Variants in ZNF148 observed in about 807,000 individuals in gnomAD.
ZNF148 encodes Beta-Enolase Repressor Factor-1.
Under a neutral mutation model 67.7 loss-of-function variants are expected in ZNF148, and 7 were observed. The ratio of observed to expected loss-of-function variants is 0.10; its 90% CI spans 0.06 to 0.19. ZNF148 has a LOEUF of 0.19. Ranked by LOEUF, ZNF148 falls within the 10% of genes least tolerant of loss-of-function variation. The pLI is 1.00. For synonymous variants in ZNF148, 333 were observed against 330.7 expected (o/e 1.01, Z -0.08); for missense variants, 583 against 947.1 (o/e 0.62, Z 5.05).
chr3:125,232,923 C>A lies in ZNF148; in HGVS notation c.1803G>T (p.Met601Ile), dbSNP rs749956392. The change falls in exon 9 of 9, where the codon ATG becomes ATT. Residue 601 changes from methionine (M) to isoleucine (I), a missense_variant. By Grantham distance (10) the Met-to-Ile change is conservative (BLOSUM62 1). Transcript: ENST00000360647. The surrounding 1 kb of genome is among the most constrained non-coding windows in gnomAD (Gnocchi z 4.2). ...GCAGAAACTTGGAGTATTCCTGCAA[C>A]ATGTTGGCTTTATCTGATGAGGATG... The part of the protein sequence containing the change: ...SQASSSDKAN[M>I]LQEYSKFLQQ... 1 of 1,613,846 alleles carries A rather than the reference C, an allele frequency of 6.2e-7. No individual in the cohort carries two copies. Among genetic ancestry groups the A allele is most frequent in the South Asian group, 1.1e-5 (1 of 91,074 alleles).
intron 1 of ZNF148, among the ~76,000 whole-genome samples, chr3:125,358,419 A>G (rs1442758437): frequency 3.9e-5 from 6 of 152,180 alleles, no homozygotes; most frequent in Non-Finnish European, 8.8e-5. Context: ...ATCAGCTCCT[A>G]CCAAATCAAT....
At chr3:125,329,979 G>C (rs578205036) in intron 2 of ZNF148, among the ~76,000 whole-genome samples, 9 of 152,090 alleles carry the variant, frequency 5.9e-5, no homozygotes, top group Admixed American at 2.6e-4. Flanking sequence ...ATACTGAATG[G>C]GGAAGGGTTG....
In ZNF148 at chr3:125,313,331, G is replaced by A; in HGVS notation, c.310C>T (p.Leu104=). ...ACAGGGACATTAAGTGCATACTGTA[G>A]TCCTTGAGGAAGTCTTTCATGTGTT... is the stretch of plus-strand genomic sequence containing the variant. The part of the protein sequence containing the change: ...METHERLPQG[L]QYALNVPISV... Residue 104 remains leucine, a synonymous_variant, in exon 4 of 9, where the codon CTA becomes TTA. Coordinates refer to ENST00000360647, the MANE Select transcript of ZNF148 (RefSeq NM_021964.3). The A allele has an allele frequency of 1.2e-6, 2 of 1,613,384 alleles. No individual in the cohort carries two copies. Among genetic ancestry groups the A allele is most frequent in the Non-Finnish European group, 1.7e-6 (2 of 1,179,494 alleles).
Position 125,226,539 on chromosome 3 carries a change from C to T in ZNF148, c.*5802G>A, listed in dbSNP as rs559930440. On this transcript the variant is annotated 3_prime_UTR_variant, in exon 9 of 9. Transcript: ENST00000360647. ...CCAAATGGCAAAGATAACTATATGA[C>T]AATAGTGTTGAAAGCCGTGAAACTC... is the stretch of plus-strand genomic sequence containing the variant. The T allele has an allele frequency of 6.6e-6, 1 of 152,614 alleles. No individual in the cohort carries two copies. Among genetic ancestry groups the T allele is most frequent in the African/African-American group, 2.4e-5 (1 of 41,520 alleles). The allele number at this position is 152,614 out of a possible 1,614,324, so 9.5% of individuals were successfully genotyped here. A position where few individuals can be genotyped will look rare whatever the true frequency, so the allele number is the denominator to read the frequency against.
chr3:125,328,842 A>G (rs1245755886), intron 2 of ZNF148, among the ~76,000 whole-genome samples: 1 of 152,088 alleles, frequency 6.6e-6, no homozygotes, highest in Admixed American at 6.5e-5. Context: ...AAAAAGTTTG[A>G]CACTAGCTAG....
chr3:125,230,859 C>T lies in ZNF148; in HGVS notation c.*1482G>A, dbSNP rs928609391. The T allele has an allele frequency of 6.6e-6, 1 of 152,012 alleles. No homozygotes were observed. Among genetic ancestry groups the T allele is most frequent in the Non-Finnish European group, 1.5e-5 (1 of 67,908 alleles). 9.4% of individuals were successfully genotyped at this position (152,012 alleles called of 1,614,324 possible). ...AAAAGTTGTAACAAAGAGTCAATAACTAATATAACTTCCAAAAATCAAAAC... is the reference window on the plus strand; with the variant it reads ...AAAAGTTGTAACAAAGAGTCAATAATTAATATAACTTCCAAAAATCAAAAC... On this transcript the variant is annotated 3_prime_UTR_variant, in exon 9 of 9. Coordinates refer to ENST00000360647, the MANE Select transcript of ZNF148 (RefSeq NM_021964.3).
At chr3:125,256,316 C>T (rs1393906313) in intron 7 of ZNF148, among the ~76,000 whole-genome samples, 3 of 149,178 alleles carry the variant, frequency 2.0e-5, no homozygotes, top group Non-Finnish European at 3.0e-5. Flanking sequence ...TGCAGTGAGC[C>T]GAGACAGCAC....
intron 4 of ZNF148, among the ~76,000 whole-genome samples, chr3:125,293,383 T>G (rs1368380788): frequency 6.6e-6 from 1 of 152,180 alleles, no homozygotes; most frequent in Non-Finnish European, 1.5e-5. Context: ...TTTCCTAGCT[T>G]GTTTGCTGAG....
At chr3:125,333,482 A>T (rs958826719) in intron 1 of ZNF148, among the ~76,000 whole-genome samples, 4 of 152,066 alleles carry the variant, frequency 2.6e-5, no homozygotes, top group Non-Finnish European at 5.9e-5. Flanking sequence ...TACTAATTTC[A>T]TTTCTTCAAG....
At chr3:125,255,080 A>G (rs1661619614) in intron 7 of ZNF148, among the ~76,000 whole-genome samples, 1 of 152,066 alleles carries the variant, frequency 6.6e-6, no homozygotes. Context: ...ATCTTGGAGC[A>G]TTAATTCCAT....
chr3:125,331,370 T>TA (rs1579824974), intron 1 of ZNF148, 132 bp from the exon 2 acceptor site: 2 of 394,850 alleles, frequency 5.1e-6, no homozygotes, highest in Admixed American at 8.8e-5. Context: ...TAGATACTGT[T>TA]AGAGTAAATA....
At chr3:125,371,970 A>T (rs1942904525) in intron 1 of ZNF148, among the ~76,000 whole-genome samples, 1 of 151,414 alleles carries the variant, frequency 6.6e-6, no homozygotes. Context: ...AGGCTGAGGC[A>T]GGAGAATGGC....
chr3:125,371,802 T>C (rs1456539654), intron 1 of ZNF148, among the ~76,000 whole-genome samples: 2 of 151,362 alleles, frequency 1.3e-5, no homozygotes, highest in East Asian at 3.9e-4. Flanking sequence ...CGGAGACTCA[T>C]GACTGTAATC....
At chr3:125,310,554 T>C (rs1031214541) in intron 4 of ZNF148, among the ~76,000 whole-genome samples, 2 of 150,942 alleles carry the variant, frequency 1.3e-5, no homozygotes, top group Admixed American at 6.6e-5. Flanking sequence ...TTTAGGAAAG[T>C]AGAAAAAGAA....
chr3:125,281,681 C>G (rs1295913053), intron 5 of ZNF148, among the ~76,000 whole-genome samples: 3 of 152,164 alleles, frequency 2.0e-5, no homozygotes, highest in Non-Finnish European at 4.4e-5. Context: ...GTACTGCTGC[C>G]TTTCATTGTA....
intron 1 of ZNF148, among the ~76,000 whole-genome samples, chr3:125,370,663 A>G (rs1267059021): frequency 6.6e-6 from 1 of 152,206 alleles, no homozygotes; most frequent in Non-Finnish European, 1.5e-5. Context: ...TTATCTTTCT[A>G]ATCTCCCAAC....
intron 1 of ZNF148, among the ~76,000 whole-genome samples, chr3:125,360,264 C>T (rs891163418): frequency 6.6e-6 from 1 of 150,808 alleles, no homozygotes; most frequent in African/African-American, 2.4e-5. Context: ...TTACCTTCAT[C>T]TTTTTTTTTA....
chr3:125,288,222 C>T lies in ZNF148; in HGVS notation c.340G>A (p.Val114Ile), dbSNP rs772853339. 22 of 1,603,616 alleles carry T rather than the reference C, an allele frequency of 1.4e-5. No homozygotes were observed. The highest frequency in any genetic ancestry group is 2.7e-5 in the African/African-American group (2 of 73,934). ...LQYALNVPIS[V>I]KQEITFTDVS... is the part of the protein sequence containing the mutation. ...TCAGTAAAAGTAATTTCCTGCTTTA[C>T]GCTTATCTGTTTAAAAAAAGAAAAG... Residue 114 changes from valine to isoleucine, a missense_variant, in exon 5 of 9, where the codon GTA (valine) becomes ATA (isoleucine). By Grantham distance (29) the Val-to-Ile change is conservative (BLOSUM62 3). Around this residue, in one of 5 missense-constraint regions of ZNF148, gnomAD observed 150 missense variants for 202.5 expected, o/e 0.74. Coordinates refer to ENST00000360647, the MANE Select transcript of ZNF148 (RefSeq NM_021964.3).
At chr3:125,260,917 A>C (rs1430369194) in intron 7 of ZNF148, among the ~76,000 whole-genome samples, 1 of 152,184 alleles carries the variant, frequency 6.6e-6, no homozygotes, top group Non-Finnish European at 1.5e-5. Context: ...ATGTTTCTCC[A>C]AAAGATCAAA....
Sources: allele counts gnomAD v4.1 joint callset (sites outside exome capture counted in the v4.1 genomes callset), GRCh38; gene constraint gnomAD v4.1.1; regional missense constraint gnomAD v4.1.1; non-coding constraint Gnocchi (gnomAD v3.1); transcripts MANE v1.5; gene names NCBI Gene and HGNC (gene_info 2026-07-23, HGNC 2026-07-21).